Variants in NTRK2 observed in about 807,000 individuals in gnomAD.
NTRK2 encodes neurotrophic receptor tyrosine kinase 2.
A neutral mutation model predicts 94.5 loss-of-function variants in NTRK2; 13 were observed. The ratio of observed to expected loss-of-function variants is 0.14; its 90% CI spans 0.09 to 0.22. The LOEUF is 0.22. Among genes scored for constraint, NTRK2 ranks in the 10% least tolerant of loss-of-function variants. The pLI, the probability that NTRK2 is intolerant of heterozygous loss-of-function variation, is 1.00. For missense variants in NTRK2, 639 were observed against 1,071.2 expected (o/e 0.60, Z 5.63); for synonymous variants, 372 against 407.4 (o/e 0.91, Z 1.05).
Position 84,811,332 on chromosome 9 carries a change from A to G in NTRK2, c.1397-49708A>G, listed in dbSNP as rs1588762653. 3 of 1,063,386 alleles carry G rather than the reference A, an allele frequency of 2.8e-6. No homozygotes were observed. The East Asian group carries it at 1.5e-4, about 53-fold the overall frequency. 65.9% of individuals were successfully genotyped at this position (1,063,386 alleles called of 1,614,324 possible). ...AAAACGTTTAAAAAGAAGAAGAAGAAAAAAAACAAGAACAAGCAGCAACAG... is the reference window on the plus strand; with the variant it reads ...AAAACGTTTAAAAAGAAGAAGAAGAGAAAAAACAAGAACAAGCAGCAACAG... On this transcript the variant is annotated intron_variant, in intron 12 of 18. Coordinates refer to ENST00000277120, the MANE Select transcript of NTRK2 (RefSeq NM_006180.6).
intron 13 of NTRK2, among the ~76,000 whole-genome samples, chr9:84,865,353 A>G (rs2075541035): frequency 6.6e-6 from 1 of 152,138 alleles, no homozygotes; most frequent in Non-Finnish European, 1.5e-5. Flanking sequence ...TTCAAAAATT[A>G]CCTATAATAA....
intron 12 of NTRK2, among the ~76,000 whole-genome samples, chr9:84,765,284 G>A (rs2065924111): frequency 6.6e-6 from 1 of 152,136 alleles, no homozygotes; most frequent in Non-Finnish European, 1.5e-5. Context: ...ATTTCACATT[G>A]CATGCCTGTA....
chr9:84,674,015 T>G (rs1334636332), intron 2 of NTRK2, among the ~76,000 whole-genome samples: 1 of 152,164 alleles, frequency 6.6e-6, no homozygotes, highest in African/African-American at 2.4e-5. Context: ...GCCGTTTAAA[T>G]CCCAGTTGTA....
rs903437167 is a variant in NTRK2 at position 84,670,657 on chromosome 9, C to T, written c.-92C>T. On this transcript the variant is annotated 5_prime_UTR_variant, in exon 2 of 19. Transcript: ENST00000277120. ...ACAAGCACCGAGGAGTTAAGAGAGC[C>T]GCAAGCGCAGGGAAGGCCTCCCCGC... 2 of 1,293,680 alleles carry T rather than the reference C, an allele frequency of 1.5e-6. No individual in the cohort carries two copies. The highest frequency in any genetic ancestry group is 1.4e-5 in the African/African-American group (1 of 69,008). 80.1% of individuals were successfully genotyped at this position (1,293,680 alleles called of 1,614,324 possible).
intron 17 of NTRK2, among the ~76,000 whole-genome samples, chr9:84,980,971 T>C (rs1363872398): frequency 2.0e-5 from 3 of 152,242 alleles, no homozygotes; most frequent in Non-Finnish European, 2.9e-5. Context: ...GACAGGTCTG[T>C]CTGAAGGGGC....
intron 14 of NTRK2, among the ~76,000 whole-genome samples, chr9:84,912,778 C>T (rs542112223): frequency 1.8e-4 from 27 of 151,886 alleles, no homozygotes; most frequent in Admixed American, 6.6e-4. Context: ...CCACCACCCC[C>T]GGCTAATTTT....
intron 14 of NTRK2, among the ~76,000 whole-genome samples, chr9:84,895,682 G>A (rs1406367203): frequency 2.6e-5 from 4 of 152,194 alleles, no homozygotes; most frequent in Non-Finnish European, 5.9e-5. Context: ...CAGCTCTTTG[G>A]GGAGTGTGAG....
intron 12 of NTRK2, among the ~76,000 whole-genome samples, chr9:84,765,222 T>A (rs1276911206): frequency 6.6e-6 from 1 of 152,218 alleles, no homozygotes; most frequent in Non-Finnish European, 1.5e-5. Context: ...TGTTTGCAAC[T>A]CAACGGATAA....
intron 17 of NTRK2, among the ~76,000 whole-genome samples, chr9:84,984,886 G>T (rs184531746): frequency 3.9e-5 from 6 of 152,292 alleles, no homozygotes; most frequent in African/African-American, 1.4e-4. Flanking sequence ...GCAGGTTGTT[G>T]TGGAGATCAA....
At chr9:84,847,395 T>C (rs1208639936) in intron 12 of NTRK2, among the ~76,000 whole-genome samples, 1 of 152,214 alleles carries the variant, frequency 6.6e-6, no homozygotes, top group Non-Finnish European at 1.5e-5. Context: ...TTGTTTCACA[T>C]AAATATACCA....
Position 84,689,910 on chromosome 9 carries a change from CT to C in NTRK2, c.213-12240del, listed in dbSNP as rs939044492. Among the ~76,000 whole-genome samples the C allele has an allele frequency of 5.3e-5, 8 of 151,530 alleles. 1 individual carries two copies. The highest frequency in any genetic ancestry group is 1.9e-4 in the East Asian group (1 of 5,162). ...AGTAATATATCCCTTGAATTAAAAG[CT>C]TTTTTTTTAAATAAGATATTTGTTT... is the stretch of plus-strand genomic sequence containing the variant. On this transcript the variant is annotated intron_variant, in intron 2 of 18. Transcript: ENST00000277120.
At chr9:84,687,373 C>T (rs1785620780) in intron 2 of NTRK2, among the ~76,000 whole-genome samples, 1 of 152,242 alleles carries the variant, frequency 6.6e-6, no homozygotes, top group African/African-American at 2.4e-5. Flanking sequence ...AAATCTTTCT[C>T]ATTAGACCTA....
At chr9:84,857,796 C>T (rs1816314168) in intron 12 of NTRK2, among the ~76,000 whole-genome samples, 1 of 152,028 alleles carries the variant, frequency 6.6e-6, no homozygotes, top group Admixed American at 6.6e-5. Context: ...GAAACGAATC[C>T]TAGGTAGAGA....
chr9:84,738,051 CAT>C (rs2063380934), intron 9 of NTRK2, among the ~76,000 whole-genome samples: 2 of 151,346 alleles, frequency 1.3e-5, no homozygotes, highest in East Asian at 3.9e-4. Context: ...CTGTGGGGAT[CAT>C]AGACAGTCTG....
chr9:84,852,264 C>A (rs1487014695), intron 12 of NTRK2, among the ~76,000 whole-genome samples: 1 of 152,206 alleles, frequency 6.6e-6, no homozygotes, highest in Non-Finnish European at 1.5e-5. Flanking sequence ...TGAGTGCTAA[C>A]CAGCATGGCT....
intron 14 of NTRK2, among the ~76,000 whole-genome samples, chr9:84,883,238 T>C (rs2076317718): frequency 6.6e-6 from 1 of 152,178 alleles, no homozygotes; most frequent in South Asian, 2.1e-4. Context: ...TTGTGGAAGG[T>C]TCTCATCCAG....
chr9:84,908,651 G>C (rs1357871892), intron 14 of NTRK2, among the ~76,000 whole-genome samples: 1 of 152,168 alleles, frequency 6.6e-6, no homozygotes, highest in African/African-American at 2.4e-5. Context: ...CAGGGTGCTT[G>C]CTAGGCACAG....
At position 84,861,176 on chromosome 9, in the gene NTRK2, C is replaced by T. The variant is rs574879709; in HGVS notation, c.1444+89C>T. 104 of 1,008,138 alleles carry T rather than the reference C, an allele frequency of 1.0e-4. 1 individual carries two copies. In the East Asian group the frequency reaches 1.3e-3, roughly 12 times the overall value. The allele number at this position is 1,008,138 out of a possible 1,614,324, so 62.4% of individuals were successfully genotyped here. ...ATGCTTAGACCCTCTTTACATTCCA[C>T]GGTCTTTGATTCATTTTCTGTGTTC... On this transcript the variant is annotated intron_variant, in intron 13 of 18. Coordinates refer to ENST00000277120, the MANE Select transcript of NTRK2 (RefSeq NM_006180.6).
At chr9:84,900,593 C>T (rs1158390700) in intron 14 of NTRK2, among the ~76,000 whole-genome samples, 1 of 152,148 alleles carries the variant, frequency 6.6e-6, no homozygotes, top group African/African-American at 2.4e-5. Context: ...CACACCAATT[C>T]TAAAGGGACA....
Sources: allele counts gnomAD v4.1 joint callset (sites outside exome capture counted in the v4.1 genomes callset), GRCh38; gene constraint gnomAD v4.1.1; transcripts MANE v1.5; gene names NCBI Gene and HGNC (gene_info 2026-07-23, HGNC 2026-07-21).